The following FAM107A variants were observed in gnomAD, a reference collection of about 807,000 sequenced individuals.
FAM107A encodes actin-associated protein FAM107A.
In FAM107A, 19 loss-of-function variants were observed where a neutral mutation model predicts 13.7. That is an observed-to-expected ratio of 1.38 (90% confidence interval 0.97 to 2.03). FAM107A has a LOEUF of 2.03. Among genes scored for constraint, FAM107A ranks in the 30% most tolerant of loss-of-function variants. The pLI, the probability that FAM107A is intolerant of heterozygous loss-of-function variation, is 0.00. For missense variants in FAM107A, 203 were observed against 184.4 expected, an observed-to-expected ratio of 1.10 and a Z score of -0.58; for synonymous variants, 82 against 74.5, an observed-to-expected ratio of 1.10 and a Z score of -0.52.
intron 1 of FAM107A, among the ~76,000 whole-genome samples, chr3:58,584,657 A>G (rs958257277): frequency 1.3e-5 from 2 of 152,172 alleles, no homozygotes; most frequent in African/African-American, 2.4e-5. Flanking sequence ...TGGCCGCTTC[A>G]CGCTGACTTC....
In FAM107A at chr3:58,618,214, T is replaced by A. The variant is rs2065921636; in HGVS notation, c.-70+9202A>T. Among the ~76,000 whole-genome samples, 3 of 152,292 alleles carry A rather than the reference T, an allele frequency of 2.0e-5. No individual in the cohort carries two copies. The South Asian group carries it at 6.2e-4, about 32-fold the overall frequency. On this transcript the variant is annotated intron_variant, in intron 1 of 3. Transcript: ENST00000465970. ...GTTTCTGTAAGGCCTTGGCTTTTGG[T>A]GCATGTGGAGGAATCTGAACACTAG...
At chr3:58,578,893 G>T (rs376521021), upstream of FAM107A, among the ~76,000 whole-genome samples, 45 of 152,290 alleles carry the variant, frequency 3.0e-4, no homozygotes, top group South Asian at 8.3e-3. Context: ...GTCTTCTTTG[G>T]CCTATATTAT....
chr3:58,596,420 G>C (rs2065707801), intron 1 of FAM107A, among the ~76,000 whole-genome samples: 1 of 151,844 alleles, frequency 6.6e-6, no homozygotes, highest in African/African-American at 2.4e-5. Flanking sequence ...GCTCACGCCT[G>C]TAATCCCAGC....
At chr3:58,590,764 G>A (rs551225367), upstream of FAM107A, among the ~76,000 whole-genome samples, 4 of 152,274 alleles carry the variant, frequency 2.6e-5, no homozygotes, top group East Asian at 7.7e-4. Context: ...CCTCCCACTA[G>A]GTCCCTCCCT....
At chr3:58,588,371 G>C (rs950266465), upstream of FAM107A, among the ~76,000 whole-genome samples, 9 of 152,312 alleles carry the variant, frequency 5.9e-5, no homozygotes, top group Non-Finnish European at 1.2e-4. Context: ...ACTCTCTTTG[G>C]TTGGCCCATG....
chr3:58,608,213 G>A (rs556009331), intron 1 of FAM107A, among the ~76,000 whole-genome samples: 1 of 152,252 alleles, frequency 6.6e-6, no homozygotes, highest in East Asian at 1.9e-4. Flanking sequence ...ACCTAACATG[G>A]GGCCTGGCAC....
rs547743374 is a variant in FAM107A, at chr3:58,569,602, G to A, written c.170+89C>T. 8.6e-7 allele frequency: 1 copy of A among 1,161,890 alleles called. No individual in the cohort carries two copies. The highest frequency in any genetic ancestry group is 1.2e-6 in the Non-Finnish European group (1 of 822,790). 72.0% of individuals were successfully genotyped at this position (1,161,890 alleles called of 1,614,324 possible). On this transcript the variant is annotated intron_variant, in intron 2 of 3. Coordinates refer to ENST00000360997, the MANE Select transcript of FAM107A (RefSeq NM_001076778.3). This position sits in a 1 kb window ranked among gnomAD's most constrained non-coding sequence, Gnocchi z 5.7. ...AGTCTCCAGGAGCCCCAGGATGAAA[G>A]CCAGCTCTGCTTTCCTCCAGGGTCA...
At chr3:58,596,171 A>T (rs935435742) in intron 1 of FAM107A, among the ~76,000 whole-genome samples, 4 of 151,694 alleles carry the variant, frequency 2.6e-5, no homozygotes, top group African/African-American at 7.3e-5. Context: ...GTTGAGAAAA[A>T]CCTCTTGGCA....
Position 58,567,301 on chromosome 3 carries a change from C to G in FAM107A, c.234G>C (p.Gln78His). 3.1e-6 allele frequency: 5 copies of G among 1,613,308 alleles called. No individual in the cohort carries two copies. The highest frequency in any genetic ancestry group is 4.2e-6 in the Non-Finnish European group (5 of 1,179,764). The change falls in exon 3 of 4, where the codon CAG (glutamine) becomes CAC (histidine). Residue 78 changes from glutamine to histidine, a missense_variant. By Grantham distance (24) the Gln-to-His change is conservative. Coordinates refer to ENST00000360997, the MANE Select transcript of FAM107A (RefSeq NM_001076778.3). ...QRVLEHRRRN[Q>H]LIKKKKEELE... ...GCTCCTCCTTCTTCTTCTTGATGAGCTGGTTCCGCCGGCGGTGCTCTAGGA... is the reference window on the plus strand; with the variant it reads ...GCTCCTCCTTCTTCTTCTTGATGAGGTGGTTCCGCCGGCGGTGCTCTAGGA...
upstream of FAM107A, among the ~76,000 whole-genome samples, chr3:58,588,809 G>T (rs770622288): frequency 6.6e-6 from 1 of 152,002 alleles, no homozygotes; most frequent in Non-Finnish European, 1.5e-5. Flanking sequence ...ACAGGTGCAC[G>T]CAACCGCAAC....
chr3:58,609,288 G>A (rs1037471908), intron 1 of FAM107A: 1 of 152,190 alleles, frequency 6.6e-6, no homozygotes, highest in African/African-American at 2.4e-5. Context: ...TAAATTTACA[G>A]AAATGTTTGT....
At chr3:58,589,865 C>T (rs147646916), upstream of FAM107A, among the ~76,000 whole-genome samples, 27 of 152,242 alleles carry the variant, frequency 1.8e-4, no homozygotes, top group African/African-American at 4.8e-4. Context: ...TCTTAGAGTC[C>T]TGAGGCCCAT....
intron 1 of FAM107A, among the ~76,000 whole-genome samples, chr3:58,608,688 C>A (rs2065823096): frequency 6.6e-6 from 1 of 152,150 alleles, no homozygotes; most frequent in Non-Finnish European, 1.5e-5. Flanking sequence ...CTTCCCCAGA[C>A]CCCCTTGGAG....
At chr3:58,587,258 C>G, upstream of FAM107A, 1 of 456,054 alleles carries the variant, frequency 2.2e-6, no homozygotes, top group East Asian at 5.1e-5. Context: ...CGGTCTCCCA[C>G]CTACTCTTCT....
intron 1 of FAM107A, among the ~76,000 whole-genome samples, chr3:58,597,405 C>T (rs988559197): frequency 1.3e-5 from 2 of 152,184 alleles, no homozygotes; most frequent in African/African-American, 4.8e-5. Flanking sequence ...AAAATTGCAT[C>T]GCTGATAAAC....
chr3:58,578,181 G>A (rs971608508), upstream of FAM107A, among the ~76,000 whole-genome samples: 1 of 152,196 alleles, frequency 6.6e-6, no homozygotes, highest in Non-Finnish European at 1.5e-5. Context: ...TGGACTCTAC[G>A]TGATCTGAGG....
At chr3:58,626,958 T>C in intron 1 of FAM107A, 1 of 1,535,804 alleles carries the variant, frequency 6.5e-7, no homozygotes, top group Non-Finnish European at 8.7e-7. Flanking sequence ...ACAGGACACT[T>C]AGAGGTTCCT....
chr3:58,588,489 A>G (rs1470111826), upstream of FAM107A, among the ~76,000 whole-genome samples: 1 of 152,198 alleles, frequency 6.6e-6, no homozygotes, highest in Non-Finnish European at 1.5e-5. Flanking sequence ...CTCAGATGCC[A>G]ATCAGGGGCC....
upstream of FAM107A, among the ~76,000 whole-genome samples, chr3:58,580,757 G>A (rs2065528346): frequency 6.6e-6 from 1 of 151,796 alleles, no homozygotes; most frequent in South Asian, 2.1e-4. Flanking sequence ...ATATTAAAGA[G>A]TTTGAGGACC....
Sources: gnomAD v4.1 joint callset for allele counts (sites outside exome capture counted in the v4.1 genomes callset) on GRCh38, gnomAD v4.1.1 for gene constraint, Gnocchi (gnomAD v3.1) non-coding constraint, MANE v1.5 for transcripts, NCBI Gene and HGNC (gene_info 2026-07-23, HGNC 2026-07-21) for gene names.